NAIP: variants seen among roughly 807,000 people sequenced by gnomAD.
The protein encoded by NAIP is NLR family apoptosis inhibitory protein, also known as baculoviral IAP repeat-containing protein 1.
In NAIP, 15 loss-of-function variants were observed where a neutral mutation model predicts 23.0. The ratio of observed to expected loss-of-function variants is 0.65; its 90% confidence interval spans 0.44 to 1.00. The LOEUF (loss-of-function observed/expected upper bound fraction) is 1.00, where lower values mean the gene tolerates loss of function less well. Ranked by LOEUF, NAIP falls within the 50% of genes least tolerant of loss-of-function variation. The pLI, the probability that NAIP is intolerant of heterozygous loss-of-function variation, is 0.00. For missense variants in NAIP, 265 were observed against 278.8 expected (o/e 0.95, Z 0.35); for synonymous variants, 100 against 100.2 (o/e 1.00, Z 0.01).
At position 71,012,698 on chromosome 5, in the gene NAIP, T is replaced by TAC. The variant is rs775595397; in HGVS notation, c.216_217dup (p.Tyr73CysfsTer20). The TAC allele has an allele frequency of 5.0e-6, 8 of 1,611,740 alleles. No homozygotes were observed. In the South Asian group the frequency reaches 7.7e-5, roughly 16 times the overall value. ...CATCTCCTGTGGTATCCATGAGCTG[T>TAC]ACGGCTCATAAGTCACAAAAGTCTT... On this transcript the variant is annotated frameshift_variant, in exon 4 of 17. Coordinates refer to ENST00000517649, the MANE Select transcript of NAIP (RefSeq NM_004536.3). LOFTEE classifies it high-confidence loss of function.
chr5:71,010,669 G>A (rs992501372), intron 5 of NAIP, among the ~76,000 whole-genome samples: 23 of 151,326 alleles, frequency 1.5e-4, no homozygotes, highest in African/African-American at 5.3e-4. Flanking sequence ...AAGTGCTGGG[G>A]TTACAGGTGT....
chr5:71,016,252 G>A (rs2112940319), intron 3 of NAIP, among the ~76,000 whole-genome samples: 2 of 148,252 alleles, frequency 1.3e-5, no homozygotes, highest in South Asian at 4.3e-4. Context: ...TATGATTGCA[G>A]TACTATACTC....
At chr5:71,008,763 C>T (rs1261069193) in intron 5 of NAIP, among the ~76,000 whole-genome samples, 6 of 85,742 alleles carry the variant, frequency 7.0e-5, no homozygotes, top group Admixed American at 4.9e-4. Context: ...AAGATTGCAC[C>T]GCTGCACTCA....
In NAIP at chr5:71,012,912, C is replaced by T; in HGVS notation, c.4G>A (p.Ala2Thr). 6.4e-7 allele frequency: 1 copy of T among 1,574,290 alleles called. No homozygotes were observed. Among genetic ancestry groups the T allele is most frequent in the Non-Finnish European group, 8.6e-7 (1 of 1,163,048 alleles). The change falls in exon 4 of 17, where the codon GCC (alanine) becomes ACC (threonine). Residue 2 changes from alanine (A) to threonine (T), a missense_variant. Transcript: ENST00000517649. M[A>T]TQQKASDERI... is the part of the protein sequence containing the mutation. ...TCGTCAGAGGCTTTCTGCTGGGTGG[C>T]CATTTTCTGAAAAGGAAAATAAAGC...
In NAIP at chr5:70,969,933, G is replaced by GTGTTT. The variant is rs1156527038; in HGVS notation, c.*166_*170dup. The stretch of plus-strand genomic sequence containing the variant: ...AGCTTGGTGGTGAGTATGCAGGACT[G>GTGTTT]TGTTTTGTTTTGTTTTGTTTTTTAG... On this transcript the variant is annotated 3_prime_UTR_variant, in exon 17 of 17. Coordinates refer to ENST00000517649, the MANE Select transcript of NAIP (RefSeq NM_004536.3). 4.2e-5 allele frequency: 16 copies of GTGTTT among 382,224 alleles called. No individual in the cohort carries two copies. The highest frequency in any genetic ancestry group is 8.5e-5 in the African/African-American group (4 of 46,962). The allele number at this position is 382,224 out of a possible 1,614,324, so 23.7% of individuals were successfully genotyped here. A position where few individuals can be genotyped will look rare whatever the true frequency, so the allele number is the denominator to read the frequency against.
chr5:71,009,677 CAAATA>C (rs1187747567), intron 5 of NAIP, among the ~76,000 whole-genome samples: 1 of 151,016 alleles, frequency 6.6e-6, no homozygotes, highest in Non-Finnish European at 1.5e-5. Context: ...GACTCTGTCT[CAAATA>C]AAATAAAATA....
At chr5:71,010,429 C>T (rs978423279) in intron 5 of NAIP, among the ~76,000 whole-genome samples, 1 of 151,536 alleles carries the variant, frequency 6.6e-6, no homozygotes, top group East Asian at 1.9e-4. Flanking sequence ...CCACCGTTCC[C>T]GGCTAATTTT....
intron 5 of NAIP, among the ~76,000 whole-genome samples, chr5:71,008,496 A>G (rs1410724920): frequency 8.8e-5 from 7 of 79,842 alleles, no homozygotes; most frequent in African/African-American, 3.8e-4. Flanking sequence ...TGTGTGACAA[A>G]TATTTGTTAA....
chr5:71,009,497 C>G (rs1751046224), intron 5 of NAIP, among the ~76,000 whole-genome samples: 1 of 151,254 alleles, frequency 6.6e-6, no homozygotes, highest in Non-Finnish European at 1.5e-5. Context: ...TTCAGACCAG[C>G]CTGGGCAACA....
At chr5:71,009,634 G>A (rs920036221) in intron 5 of NAIP, among the ~76,000 whole-genome samples, 3 of 151,434 alleles carry the variant, frequency 2.0e-5, no homozygotes, top group African/African-American at 7.3e-5. Flanking sequence ...AGGTTGCAGT[G>A]AGCCAAGATC....
intron 5 of NAIP, among the ~76,000 whole-genome samples, chr5:71,009,952 C>G (rs923196323): frequency 6.6e-6 from 1 of 151,304 alleles, no homozygotes; most frequent in Non-Finnish European, 1.5e-5. Flanking sequence ...AACTAAAGAC[C>G]ACTGCAGTAA....
At chr5:71,013,377 G>T (rs978056110) in intron 3 of NAIP, among the ~76,000 whole-genome samples, 7 of 151,194 alleles carry the variant, frequency 4.6e-5, no homozygotes, top group Non-Finnish European at 1.0e-4. Flanking sequence ...GGTGGCTCAC[G>T]CCTGTAATCC....
chr5:70,979,767 T>G (rs1181076382), intron 13 of NAIP, 102 bp downstream of exon 13: 1 of 38,050 alleles, frequency 2.6e-5, no homozygotes, highest in Non-Finnish European at 4.6e-5. Context: ...GGATACAGGC[T>G]ACACCCTTAG....
At position 71,012,416 on chromosome 5, in the gene NAIP, C is replaced by T. The variant is rs1182975294; in HGVS notation, c.500G>A (p.Arg167Lys). Residue 167 changes from arginine to lysine, a missense_variant, in exon 4 of 17, where the codon AGG becomes AAG. Physicochemically the swap from Arg to Lys is conservative, Grantham distance 26. Coordinates refer to ENST00000517649, the MANE Select transcript of NAIP (RefSeq NM_004536.3). ...CCCTTGGACATAAAATGGCCAGTTCCTGAAGGACGCAAGTCTAGCCTCCTC... is the reference window on the plus strand; with the variant it reads ...CCCTTGGACATAAAATGGCCAGTTCTTGAAGGACGCAAGTCTAGCCTCCTC... The part of the protein sequence containing the change: ...QEEEARLASF[R>K]NWPFYVQGIS... 6.2e-7 allele frequency: 1 copy of T among 1,611,768 alleles called. No homozygotes were observed. Among genetic ancestry groups the T allele is most frequent in the East Asian group, 2.2e-5 (1 of 44,848 alleles).
rs890558623 is a variant in NAIP, at chr5:71,016,121, C to CT, written c.-3-3204dup. ...TAGCTAGACCCTGTCTCTAAAAAAA[C>CT]TTTTTTTTTAAGAAAACGAAAACTT... On this transcript the variant is annotated intron_variant, in intron 3 of 16. Coordinates refer to ENST00000517649, the MANE Select transcript of NAIP (RefSeq NM_004536.3). Among the ~76,000 whole-genome samples, 32 of 149,878 alleles carry CT rather than the reference C, an allele frequency of 2.1e-4. 1 individual carries two copies. Among genetic ancestry groups the CT allele is most frequent in the African/African-American group, 1.7e-4 (7 of 40,930 alleles).
In NAIP at chr5:71,012,858, G is replaced by A. The variant is rs779775603; in HGVS notation, c.58C>T (p.Leu20=). ...CCCAGAAGAGCAGACAGCTCTGGCA[G>A]CAAATTGTGATCAAACTGGGAGATC... The part of the protein sequence containing the change: ...ERISQFDHNL[L]PELSALLGLD... Residue 20 remains leucine (L), a synonymous_variant, in exon 4 of 17, where the codon CTG becomes TTG. Coordinates refer to ENST00000517649, the MANE Select transcript of NAIP (RefSeq NM_004536.3). 1 of 1,609,346 alleles carries A rather than the reference G, an allele frequency of 6.2e-7. No homozygotes were observed. Among genetic ancestry groups the A allele is most frequent in the South Asian group, 1.1e-5 (1 of 90,482 alleles).
intron 5 of NAIP, among the ~76,000 whole-genome samples, chr5:71,009,419 G>C (rs148845991): frequency 1.3e-5 from 2 of 149,910 alleles, no homozygotes; most frequent in Non-Finnish European, 3.0e-5. Context: ...GTCAGGCACA[G>C]GTGGCTCATG....
intron 3 of NAIP, among the ~76,000 whole-genome samples, chr5:71,013,590 A>G (rs1391020567): frequency 1.3e-5 from 2 of 148,398 alleles, no homozygotes; most frequent in African/African-American, 5.0e-5. Flanking sequence ...CAGCGAGCCG[A>G]GATCGCGCCA....
chr5:71,017,983 C>T (rs1198561279), intron 3 of NAIP, among the ~76,000 whole-genome samples: 2 of 129,720 alleles, frequency 1.5e-5, no homozygotes, highest in African/African-American at 5.8e-5. Flanking sequence ...CTCAGCCTCT[C>T]AAAGTGCTGG....
Sources: gnomAD v4.1 joint callset for allele counts (sites outside exome capture counted in the v4.1 genomes callset) on GRCh38, gnomAD v4.1.1 for gene constraint, MANE v1.5 for transcripts, NCBI Gene and HGNC (gene_info 2026-07-23, HGNC 2026-07-21) for gene names.